The following SIDT1 variants were observed in gnomAD, a reference collection of about 807,000 sequenced individuals.
SIDT1 encodes SID1 transmembrane family, member 1.
A neutral mutation model predicts 107.5 loss-of-function variants in SIDT1; 101 were observed. That is an observed-to-expected ratio of 0.94 (90% CI 0.80 to 1.11). SIDT1 has a LOEUF of 1.11. Ranked by LOEUF, SIDT1 falls within the 50% of genes least tolerant of loss-of-function variation. The probability of loss-of-function intolerance (pLI) is 0.00; values close to 1 mark genes in which losing one functional copy is unlikely to be tolerated. For synonymous variants in SIDT1, 395 were observed against 398.2 expected (o/e 0.99, Z 0.10); for missense variants, 1,076 against 1,058.2 (o/e 1.02, Z -0.23).
chr3:113,544,942 C>T (rs1398295458), intron 1 of SIDT1, among the ~76,000 whole-genome samples: 2 of 151,812 alleles, frequency 1.3e-5, no homozygotes, highest in Non-Finnish European at 2.9e-5. Flanking sequence ...TGGCAAAACC[C>T]CGTCTCTACT....
Position 113,612,152 on chromosome 3 carries a change from G to A in SIDT1, c.1924G>A (p.Ala642Thr). Residue 642 changes from alanine (A) to threonine (T), a missense_variant, in exon 19 of 25, where the codon GCC (alanine) becomes ACC (threonine). Ala to Thr is a moderately conservative substitution (Grantham distance 58). Transcript: ENST00000264852. ...TGCAATCCACGTTCTGGCCTCGCTA[G>A]CCCTCAGCACCCAGATATATTATAT... is the stretch of plus-strand genomic sequence containing the variant. ...FSAIHVLASL[A>T]LSTQIYYMGR... The A allele has an allele frequency of 6.2e-7, 1 of 1,614,080 alleles. No homozygotes were observed. Among genetic ancestry groups the A allele is most frequent in the Non-Finnish European group, 8.5e-7 (1 of 1,179,992 alleles).
chr3:113,548,493 G>A (rs964039579), intron 1 of SIDT1, among the ~76,000 whole-genome samples: 5 of 151,902 alleles, frequency 3.3e-5, no homozygotes, highest in Admixed American at 6.6e-5. Flanking sequence ...GAAGGAGTTC[G>A]GAACATGCCA....
intron 4 of SIDT1, among the ~76,000 whole-genome samples, chr3:113,578,479 AAAAAG>A (rs986295522): frequency 5.3e-5 from 8 of 151,824 alleles, no homozygotes; most frequent in Non-Finnish European, 1.2e-4. Flanking sequence ...AAAAAAAAAA[AAAAAG>A]AAGAGGAATA....
chr3:113,610,707 G>A (rs1485322836), intron 17 of SIDT1, among the ~76,000 whole-genome samples: 1 of 152,156 alleles, frequency 6.6e-6, no homozygotes. Flanking sequence ...GGGGGTAGTT[G>A]TTTGTTTATC....
intron 10 of SIDT1, among the ~76,000 whole-genome samples, chr3:113,597,194 T>C (rs1576902088): frequency 6.6e-6 from 1 of 152,084 alleles, no homozygotes; most frequent in Admixed American, 6.6e-5. Context: ...AGGTAGGCAA[T>C]TGGCATAAAA....
At chr3:113,577,964 C>T (rs1363626937) in intron 4 of SIDT1, among the ~76,000 whole-genome samples, 1 of 152,186 alleles carries the variant, frequency 6.6e-6, no homozygotes, top group African/African-American at 2.4e-5. Context: ...AATGCACAAT[C>T]AGCTCTCCCA....
chr3:113,571,191 G>A (rs921949947), intron 3 of SIDT1, among the ~76,000 whole-genome samples: 17 of 152,178 alleles, frequency 1.1e-4, no homozygotes, highest in African/African-American at 4.1e-4. Flanking sequence ...GGAGGCTGAG[G>A]CAGGAGGATG....
intron 1 of SIDT1, among the ~76,000 whole-genome samples, chr3:113,542,932 G>GTT (rs1285748041): frequency 1.3e-3 from 188 of 142,464 alleles, no homozygotes; most frequent in African/African-American, 5.3e-3. Context: ...GTGTGTGTGT[G>GTT]TGTGTGTTTG....
intron 19 of SIDT1, among the ~76,000 whole-genome samples, chr3:113,613,569 A>G (rs6785287): frequency 0.012 from 1,758 of 152,270 alleles, 10 homozygotes; most frequent in Non-Finnish European, 0.018. Flanking sequence ...TAGCCAGCAT[A>G]CCTCCAAATC....
chr3:113,536,888 G>A (rs1009960591), intron 1 of SIDT1, among the ~76,000 whole-genome samples: 1 of 152,212 alleles, frequency 6.6e-6, no homozygotes, highest in South Asian at 2.1e-4. Context: ...AAGAGGAGGA[G>A]GGCTATACTG....
At chr3:113,565,540 A>G (rs1488220562) in intron 1 of SIDT1, among the ~76,000 whole-genome samples, 5 of 152,186 alleles carry the variant, frequency 3.3e-5, no homozygotes, top group Non-Finnish European at 5.9e-5. Context: ...AAGAAAAAAA[A>G]AGAGAGAGAG....
chr3:113,592,856 G>A, intron 9 of SIDT1, 149 bp from the exon 10 acceptor site: 1 of 687,294 alleles, frequency 1.5e-6, no homozygotes, highest in East Asian at 2.8e-5. Context: ...AAAGTGCTGG[G>A]ATTACAGGTG....
At chr3:113,608,255 G>T (rs777603984) in intron 16 of SIDT1, 38 bp downstream of exon 16, 5 of 1,559,660 alleles carry the variant, frequency 3.2e-6, no homozygotes, top group Non-Finnish European at 4.3e-6. Flanking sequence ...AAGGGTTATG[G>T]ATCCAAACAG....
At chr3:113,605,248 G>T (rs1218934136) in intron 14 of SIDT1, among the ~76,000 whole-genome samples, 1 of 150,244 alleles carries the variant, frequency 6.7e-6, no homozygotes, top group Non-Finnish European at 1.5e-5. Context: ...TCAGCCTCCC[G>T]AGTAGCTGGG....
chr3:113,630,772 G>A (rs1047275102), downstream of SIDT1, among the ~76,000 whole-genome samples: 2 of 152,146 alleles, frequency 1.3e-5, no homozygotes, highest in African/African-American at 4.8e-5. Flanking sequence ...CAAAGGTGGA[G>A]GTGTGCAGGG....
intron 24 of SIDT1, 76 bp downstream of exon 24, chr3:113,626,291 TAC>T: frequency 1.0e-6 from 1 of 957,564 alleles, no homozygotes; most frequent in Non-Finnish European, 1.6e-6. Context: ...TGCTCTTCCT[TAC>T]TTTTTTTTAT....
downstream of SIDT1, among the ~76,000 whole-genome samples, chr3:113,631,571 C>T (rs1161058540): frequency 6.6e-6 from 1 of 152,098 alleles, no homozygotes; most frequent in Non-Finnish European, 1.5e-5. Flanking sequence ...TTTAATGTCT[C>T]CTCAATACGA....
intron 9 of SIDT1, chr3:113,590,232 G>A (rs1434000218): frequency 6.6e-6 from 1 of 152,200 alleles, no homozygotes; most frequent in Non-Finnish European, 1.5e-5. Flanking sequence ...GGAGTTTGGT[G>A]TGTCTAGGAA....
At position 113,623,643 on chromosome 3, in the gene SIDT1, C is replaced by G. The variant is rs748835806; in HGVS notation, c.2217C>G (p.Val739=). ...CACAGCTCCGCAGCTCTGAAAAGGT[C>G]CTCCCAGTCCCGCTCTTCTGCATCG... ...IIMKLRSSEK[V]LPVPLFCIVA... Residue 739 remains valine, a synonymous_variant, in exon 23 of 25, where the codon GTC becomes GTG. Coordinates refer to ENST00000264852, the MANE Select transcript of SIDT1 (RefSeq NM_017699.3). 4 of 1,613,856 alleles carry G rather than the reference C, an allele frequency of 2.5e-6. No homozygotes were observed. In the African/African-American group the frequency reaches 5.3e-5, roughly 22 times the overall value.
Sources: allele counts gnomAD v4.1 joint callset (sites outside exome capture counted in the v4.1 genomes callset), GRCh38; gene constraint gnomAD v4.1.1; transcripts MANE v1.5; gene names NCBI Gene and HGNC (gene_info 2026-07-23, HGNC 2026-07-21).